CTNNA3: variants seen among roughly 807,000 people sequenced by gnomAD.
The protein encoded by CTNNA3 is catenin alpha 3.
A neutral mutation model predicts 95.7 loss-of-function variants in CTNNA3; 76 were observed. The ratio of observed to expected loss-of-function variants is 0.79; its 90% confidence interval spans 0.66 to 0.96. CTNNA3 has a LOEUF of 0.96. Among genes scored for constraint, CTNNA3 ranks in the 40% least tolerant of loss-of-function variants. The pLI, the probability that CTNNA3 is intolerant of heterozygous loss-of-function variation, is 0.00. For missense variants in CTNNA3, 1,191 were observed against 1,089.8 expected (o/e 1.09, Z -1.31); for synonymous variants, 431 against 374.4 (o/e 1.15, Z -1.74).
At chr10:66,616,473 C>T (rs1471163614) in intron 10 of CTNNA3, among the ~76,000 whole-genome samples, 2 of 152,026 alleles carry the variant, frequency 1.3e-5, no homozygotes, top group African/African-American at 4.8e-5. Flanking sequence ...TTGTGTTCCT[C>T]CAGGTCTTTT....
At chr10:67,413,114 T>C (rs1160883672) in intron 5 of CTNNA3, among the ~76,000 whole-genome samples, 1 of 152,100 alleles carries the variant, frequency 6.6e-6, no homozygotes, top group Non-Finnish European at 1.5e-5. Context: ...TTACATGTAA[T>C]GACACCCACA....
At chr10:66,734,461 A>G (rs1442908649) in intron 9 of CTNNA3, among the ~76,000 whole-genome samples, 2 of 152,152 alleles carry the variant, frequency 1.3e-5, no homozygotes, top group Non-Finnish European at 2.9e-5. Flanking sequence ...AAATTTCTCA[A>G]AAGTATTTTG....
chr10:67,033,327 T>C (rs570714610), intron 7 of CTNNA3, among the ~76,000 whole-genome samples: 1 of 152,298 alleles, frequency 6.6e-6, no homozygotes, highest in South Asian at 2.1e-4. Context: ...CATGTGCACA[T>C]CTTCCATCAA....
chr10:67,467,377 A>C (rs949833061), intron 5 of CTNNA3, among the ~76,000 whole-genome samples: 4 of 152,128 alleles, frequency 2.6e-5, no homozygotes, highest in Non-Finnish European at 4.4e-5. Context: ...TATTAGCCCT[A>C]CATAAGTTTG....
chr10:67,575,188 T>C (rs183733661), intron 3 of CTNNA3, among the ~76,000 whole-genome samples: 5 of 152,332 alleles, frequency 3.3e-5, no homozygotes, highest in East Asian at 3.9e-4. Context: ...GTTTCCTATA[T>C]ATATTTTTTG....
rs147405690 is a variant in CTNNA3 at position 67,246,027 on chromosome 10, T to C, written c.580-26157A>G. On this transcript the variant is annotated intron_variant, in intron 5 of 17. Coordinates refer to ENST00000433211, the MANE Select transcript of CTNNA3 (RefSeq NM_013266.4). The stretch of plus-strand genomic sequence containing the variant: ...TTGGTTTTGTATTCTACTTAGGTCA[T>C]CTTTCATGTTTGCGAGAATTCATAT... Among the ~76,000 whole-genome samples the C allele has an allele frequency of 2.0e-5, 3 of 152,312 alleles. No individual in the cohort carries two copies. The East Asian group carries it at 5.8e-4, about 29-fold the overall frequency.
chr10:67,080,983 A>T (rs1016559109), intron 7 of CTNNA3, among the ~76,000 whole-genome samples: 1 of 152,084 alleles, frequency 6.6e-6, no homozygotes, highest in African/African-American at 2.4e-5. Context: ...CCTAAAGCTA[A>T]ACAATAAATC....
At chr10:67,582,698 C>G (rs1842450114) in intron 3 of CTNNA3, among the ~76,000 whole-genome samples, 1 of 151,654 alleles carries the variant, frequency 6.6e-6, no homozygotes, top group African/African-American at 2.4e-5. Flanking sequence ...GAGTCTAAGT[C>G]TCTTTGTAGG....
intron 7 of CTNNA3, among the ~76,000 whole-genome samples, chr10:66,863,050 T>C (rs1045998157): frequency 6.6e-6 from 1 of 151,974 alleles, no homozygotes; most frequent in African/African-American, 2.4e-5. Flanking sequence ...CAATGACACA[T>C]CCATTTTTCT....
intron 7 of CTNNA3, among the ~76,000 whole-genome samples, chr10:67,170,655 A>G (rs1300083065): frequency 6.6e-6 from 1 of 152,188 alleles, no homozygotes; most frequent in Non-Finnish European, 1.5e-5. Flanking sequence ...AGCAGAAAAG[A>G]TAACTACTGG....
At chr10:67,706,209 G>A (rs1367921132) in intron 1 of CTNNA3, among the ~76,000 whole-genome samples, 1 of 152,056 alleles carries the variant, frequency 6.6e-6, no homozygotes, top group Non-Finnish European at 1.5e-5. Context: ...CATACTTTGA[G>A]GTGTAGATTA....
Position 67,754,893 on chromosome 10 carries a change from A to G in CTNNA3, c.-2+8541T>C, listed in dbSNP as rs934048268. 2.6e-5 allele frequency among the ~76,000 whole-genome samples: 4 copies of G among 151,412 alleles called. 1 individual carries two copies. Among genetic ancestry groups the G allele is most frequent in the Admixed American group, 2.0e-4 (3 of 15,242 alleles). ...AAATGGGCAAAAGAGCTGAATAGAC[A>G]TTTCTCAAAAGAATACATACATGGC... On this transcript the variant is annotated intron_variant, in intron 1 of 17. Transcript: ENST00000684154.
chr10:65,999,181 G>C (rs746998174), intron 15 of CTNNA3, among the ~76,000 whole-genome samples: 1 of 152,126 alleles, frequency 6.6e-6, no homozygotes, highest in Non-Finnish European at 1.5e-5. Flanking sequence ...TTATGTTCAA[G>C]TAAGGCATTG....
chr10:67,099,365 T>TG (rs1858202356), intron 7 of CTNNA3: 1 of 151,764 alleles, frequency 6.6e-6, no homozygotes, highest in Admixed American at 6.6e-5. Flanking sequence ...CAATTACTGT[T>TG]GCACTAGAAG....
chr10:67,419,447 T>C (rs1845665722), intron 5 of CTNNA3, among the ~76,000 whole-genome samples: 1 of 151,748 alleles, frequency 6.6e-6, no homozygotes, highest in African/African-American at 2.4e-5. Context: ...GTTTGGAGCA[T>C]GGACCTCGTC....
At chr10:66,954,293 ACTTAT>A (rs1848682773) in intron 7 of CTNNA3, among the ~76,000 whole-genome samples, 1 of 152,202 alleles carries the variant, frequency 6.6e-6, no homozygotes, top group Non-Finnish European at 1.5e-5. Context: ...TATATTTGAA[ACTTAT>A]CTTAAATTTG....
chr10:66,592,482 C>T (rs1418736859), intron 10 of CTNNA3, among the ~76,000 whole-genome samples: 1 of 152,042 alleles, frequency 6.6e-6, no homozygotes, highest in Admixed American at 6.6e-5. Context: ...ATCCTGGTCA[C>T]AAATATATAA....
At chr10:66,007,338 C>T (rs745534455) in intron 15 of CTNNA3, among the ~76,000 whole-genome samples, 91 of 152,114 alleles carry the variant, frequency 6.0e-4, no homozygotes, top group Non-Finnish European at 1.8e-4. Context: ...TTTGATCACA[C>T]AGGTATTAAG....
rs1198865745 is a variant in CTNNA3 at position 66,927,781 on chromosome 10, A to C, written c.1048-152257T>G. 6.2e-7 allele frequency: 1 copy of C among 1,614,214 alleles called. No individual in the cohort carries two copies. The highest frequency in any genetic ancestry group is 8.5e-7 in the Non-Finnish European group (1 of 1,180,040). ...GCAGCGCCTCAACCTGGATTCCAAC[A>C]AGCTCACATTTATTGGTCAAGAGAT... On this transcript the variant is annotated intron_variant, in intron 7 of 17. Coordinates refer to ENST00000433211, the MANE Select transcript of CTNNA3 (RefSeq NM_013266.4). This position sits in a 1 kb window ranked among gnomAD's most constrained non-coding sequence, Gnocchi z 4.7.
Sources: gnomAD v4.1 joint callset for allele counts (sites outside exome capture counted in the v4.1 genomes callset) on GRCh38, gnomAD v4.1.1 for gene constraint, Gnocchi (gnomAD v3.1) non-coding constraint, MANE v1.5 for transcripts, NCBI Gene and HGNC (gene_info 2026-07-23, HGNC 2026-07-21) for gene names.